Variants in DLC1 observed in about 807,000 individuals in gnomAD.
The protein encoded by DLC1 is DLC1 Rho GTPase activating protein.
DLC1 carries 54 observed loss-of-function variants against 140.3 expected under a neutral mutation model. The observed-to-expected ratio is 0.38, with a 90% CI of 0.31 to 0.48. The LOEUF (loss-of-function observed/expected upper bound fraction) is 0.48, where lower values mean the gene tolerates loss of function less well. Ranked by LOEUF, DLC1 falls within the 20% of genes least tolerant of loss-of-function variation. The pLI, the probability that DLC1 is intolerant of heterozygous loss-of-function variation, is 0.96. For missense variants in DLC1, 2,536 were observed against 1,907.0 expected (o/e 1.33, Z -6.14); for synonymous variants, 986 against 728.1 (o/e 1.35, Z -5.70).
At chr8:13,451,068 A>AAAAAAAAAAG (rs1799028861) in intron 2 of DLC1, among the ~76,000 whole-genome samples, 1 of 143,876 alleles carries the variant, frequency 7.0e-6, no homozygotes, top group East Asian at 2.0e-4. Flanking sequence ...AAAAAAAAAA[A>AAAAAAAAAAG]GAAAAAAAGA....
chr8:13,421,307 C>T (rs1838312508), intron 2 of DLC1, among the ~76,000 whole-genome samples: 1 of 152,076 alleles, frequency 6.6e-6, no homozygotes, highest in Non-Finnish European at 1.5e-5. Flanking sequence ...AAAGACTGGG[C>T]TGATGTGTCT....
chr8:13,582,285 A>C (rs1805131412), intron 1 of DLC1, among the ~76,000 whole-genome samples: 1 of 152,208 alleles, frequency 6.6e-6, no homozygotes, highest in Non-Finnish European at 1.5e-5. Flanking sequence ...ACACCAGTAT[A>C]CTAATATGGT....
At chr8:13,240,491 G>A (rs917266968) in intron 5 of DLC1, among the ~76,000 whole-genome samples, 1 of 152,140 alleles carries the variant, frequency 6.6e-6, no homozygotes, top group Non-Finnish European at 1.5e-5. Context: ...TATGATCACA[G>A]CTCAGCTCAC....
intron 2 of DLC1, among the ~76,000 whole-genome samples, chr8:13,484,457 A>G (rs1800875357): frequency 6.6e-6 from 1 of 152,134 alleles, no homozygotes; most frequent in Non-Finnish European, 1.5e-5. Flanking sequence ...TTTCTGAAAT[A>G]AGTCTTGTAT....
chr8:13,199,415 C>G (rs73556500), intron 5 of DLC1, among the ~76,000 whole-genome samples: 8,274 of 151,904 alleles, frequency 0.054, 522 homozygotes, highest in African/African-American at 0.16. Flanking sequence ...AACTCCAGGC[C>G]TCACGCAATC....
chr8:13,478,175 G>A (rs1800524839), intron 2 of DLC1, among the ~76,000 whole-genome samples: 1 of 152,168 alleles, frequency 6.6e-6, no homozygotes. Flanking sequence ...TGCTCAGGGA[G>A]GCCTTAGGAA....
At chr8:13,555,576 C>T (rs1031456252) in intron 1 of DLC1, among the ~76,000 whole-genome samples, 3 of 152,020 alleles carry the variant, frequency 2.0e-5, no homozygotes, top group South Asian at 2.1e-4. Context: ...ACTGCAATCT[C>T]CTCCTCCTGG....
chr8:13,237,330 A>G (rs867656535), intron 5 of DLC1, among the ~76,000 whole-genome samples: 4 of 136,476 alleles, frequency 2.9e-5, no homozygotes, highest in African/African-American at 6.2e-5. Flanking sequence ...GCTTCTGTGT[A>G]TATATATATA....
intron 4 of DLC1, among the ~76,000 whole-genome samples, chr8:13,351,852 T>G (rs1403030229): frequency 6.6e-6 from 1 of 152,194 alleles, no homozygotes; most frequent in African/African-American, 2.4e-5. Flanking sequence ...ATCACAACAA[T>G]TTGATTTTTT....
At chr8:13,404,667 C>T (rs1034211635) in intron 2 of DLC1, among the ~76,000 whole-genome samples, 3 of 151,554 alleles carry the variant, frequency 2.0e-5, no homozygotes, top group African/African-American at 7.3e-5. Context: ...ACCTTGTTGC[C>T]CAGGTAAATT....
chr8:13,389,237 A>C (rs546481367), intron 4 of DLC1, among the ~76,000 whole-genome samples: 26 of 152,276 alleles, frequency 1.7e-4, no homozygotes, highest in African/African-American at 6.3e-4. Flanking sequence ...CTTTAGGAAA[A>C]ACAACCACAA....
intron 5 of DLC1, among the ~76,000 whole-genome samples, chr8:13,149,688 A>G (rs1309931659): frequency 1.3e-5 from 2 of 152,212 alleles, no homozygotes; most frequent in African/African-American, 4.8e-5. Flanking sequence ...AGAAAGGCAA[A>G]GAGAACCTGT....
rs117499881 is a variant in DLC1, at chr8:13,313,829, G to C, written c.1315-8527C>G. ...TTTTCCCTAAGTTTTATAAAGCTCA[G>C]TGTGGAGGATATAATCCTTCTTCCT... On this transcript the variant is annotated intron_variant, in intron 4 of 17. Transcript: ENST00000276297. Among the ~76,000 whole-genome samples, 86 of 152,034 alleles carry C rather than the reference G, an allele frequency of 5.7e-4. No individual in the cohort carries two copies. The East Asian group carries it at 0.015, about 26-fold the overall frequency.
At chr8:13,263,953 T>C (rs1001667601) in intron 5 of DLC1, among the ~76,000 whole-genome samples, 9 of 152,120 alleles carry the variant, frequency 5.9e-5, no homozygotes, top group African/African-American at 1.7e-4. Context: ...CAAATACTTA[T>C]GTAAGCACAT....
At position 13,110,726 on chromosome 8, in the gene DLC1, A is replaced by G; in HGVS notation, c.1502+16T>C. 6.2e-7 allele frequency: 1 copy of G among 1,610,588 alleles called. No homozygotes were observed. Among genetic ancestry groups the G allele is most frequent in the Non-Finnish European group, 8.5e-7 (1 of 1,177,880 alleles). ...AAAAAATAAAAAAGGAAAACACTCA[A>G]AACGTGTCCATTTACCTGCATAGAG... On this transcript the variant is annotated intron_variant, in intron 7 of 17. Transcript: ENST00000276297.
intron 10 of DLC1, 25 bp downstream of exon 10, chr8:13,098,374 G>T: frequency 6.2e-7 from 1 of 1,612,766 alleles, no homozygotes; most frequent in Non-Finnish European, 8.5e-7. Context: ...TTCAACGACA[G>T]TTGACTGATC....
intron 5 of DLC1, among the ~76,000 whole-genome samples, chr8:13,249,231 C>G (rs148716508): frequency 1.3e-3 from 195 of 152,294 alleles, no homozygotes; most frequent in African/African-American, 4.5e-3. Flanking sequence ...CACCTGCAAC[C>G]ACATCTGACT....
At chr8:13,446,988 G>C (rs74678829) in intron 2 of DLC1, among the ~76,000 whole-genome samples, 6 of 151,594 alleles carry the variant, frequency 4.0e-5, no homozygotes, top group Admixed American at 6.6e-5. Flanking sequence ...AAGAAGGAAG[G>C]GAAGAAGGGT....
chr8:13,493,347 G>A (rs566748676), intron 2 of DLC1, among the ~76,000 whole-genome samples: 2 of 151,972 alleles, frequency 1.3e-5, no homozygotes, highest in African/African-American at 4.8e-5. Flanking sequence ...TGCTACATTA[G>A]TCTGGAGGCT....
Sources: gnomAD v4.1 joint callset for allele counts (sites outside exome capture counted in the v4.1 genomes callset) on GRCh38, gnomAD v4.1.1 for gene constraint, MANE v1.5 for transcripts, NCBI Gene and HGNC (gene_info 2026-07-23, HGNC 2026-07-21) for gene names.